NELL1: variants seen among roughly 807,000 people sequenced by gnomAD.
NELL1 encodes the protein neural EGFL like 1.
A neutral mutation model predicts 107.4 loss-of-function variants in NELL1; 76 were observed. That is an observed-to-expected ratio of 0.71 (90% CI 0.59 to 0.86). NELL1 has a LOEUF of 0.86. Among genes scored for constraint, NELL1 ranks in the 40% least tolerant of loss-of-function variants. The pLI, the probability that NELL1 is intolerant of heterozygous loss-of-function variation, is 0.00. For synonymous variants in NELL1, 353 were observed against 341.2 expected (o/e 1.03, Z -0.38); for missense variants, 1,024 against 1,005.5 (o/e 1.02, Z -0.25).
chr11:21,388,572 G>A (rs7126470), intron 15 of NELL1, among the ~76,000 whole-genome samples: 31 of 151,704 alleles, frequency 2.0e-4, no homozygotes, highest in African/African-American at 3.9e-4. Context: ...TTTAATTCCC[G>A]TATTACCCAC....
chr11:21,313,999 C>A (rs1362969896), intron 14 of NELL1, among the ~76,000 whole-genome samples: 6 of 92,104 alleles, frequency 6.5e-5, no homozygotes, highest in East Asian at 9.1e-4. Flanking sequence ...TCTGCCCCCC[C>A]CCCCCCCCCC....
At chr11:20,992,966 G>T (rs1274950176) in intron 12 of NELL1, among the ~76,000 whole-genome samples, 1 of 151,890 alleles carries the variant, frequency 6.6e-6, no homozygotes, top group Non-Finnish European at 1.5e-5. Context: ...GCCCGCCTTG[G>T]CCTCCCAAAG....
At chr11:21,323,455 G>C (rs573697499) in intron 14 of NELL1, among the ~76,000 whole-genome samples, 2 of 152,232 alleles carry the variant, frequency 1.3e-5, no homozygotes, top group East Asian at 3.9e-4. Flanking sequence ...TTCCATTAGT[G>C]ATGGGCATCA....
intron 14 of NELL1, among the ~76,000 whole-genome samples, chr11:21,313,900 G>A (rs1420673530): frequency 6.6e-6 from 1 of 151,030 alleles, no homozygotes; most frequent in East Asian, 2.0e-4. Flanking sequence ...GATATCTTGT[G>A]AACAGTTTAG....
chr11:21,220,749 A>C (rs1220386630), intron 13 of NELL1, among the ~76,000 whole-genome samples: 1 of 152,026 alleles, frequency 6.6e-6, no homozygotes, highest in Non-Finnish European at 1.5e-5. Context: ...TTTGTTTATT[A>C]GTTCTGAGAT....
chr11:21,255,220 C>T (rs1858740099), intron 14 of NELL1, among the ~76,000 whole-genome samples: 1 of 152,116 alleles, frequency 6.6e-6, no homozygotes, highest in Non-Finnish European at 1.5e-5. Context: ...TGTCTGTCCA[C>T]AGAAGCTGAA....
intron 12 of NELL1, among the ~76,000 whole-genome samples, chr11:21,058,617 G>A (rs1853666184): frequency 6.6e-6 from 1 of 152,114 alleles, no homozygotes; most frequent in South Asian, 2.1e-4. Context: ...TCCCCTACTA[G>A]TAAAGAAGGG....
intron 4 of NELL1, among the ~76,000 whole-genome samples, chr11:20,873,959 C>G (rs1279319850): frequency 1.3e-5 from 2 of 152,072 alleles, no homozygotes; most frequent in Admixed American, 6.6e-5. Context: ...AGATGTGGGT[C>G]TTCCTATGTT....
At chr11:21,264,124 C>T (rs1022686200) in intron 14 of NELL1, among the ~76,000 whole-genome samples, 1 of 120,278 alleles carries the variant, frequency 8.3e-6, no homozygotes, top group Non-Finnish European at 1.8e-5. Context: ...CTCATCCTTC[C>T]CTCCTTAGGA....
intron 15 of NELL1, among the ~76,000 whole-genome samples, chr11:21,479,602 T>C (rs1215192102): frequency 6.6e-6 from 1 of 152,136 alleles, no homozygotes. Context: ...ATAAAATTAA[T>C]AAGATCTATA....
At chr11:21,088,607 C>T (rs999251266) in intron 12 of NELL1, among the ~76,000 whole-genome samples, 1 of 152,188 alleles carries the variant, frequency 6.6e-6, no homozygotes, top group African/African-American at 2.4e-5. Flanking sequence ...TCTTATACTG[C>T]ATGTAATCTT....
At chr11:21,556,893 T>G (rs1018111651) in intron 16 of NELL1, among the ~76,000 whole-genome samples, 1 of 151,926 alleles carries the variant, frequency 6.6e-6, no homozygotes, top group African/African-American at 2.4e-5. Context: ...TACGAAATAC[T>G]CAAATACTTC....
chr11:21,249,570 G>A (rs1858585620), intron 14 of NELL1, among the ~76,000 whole-genome samples: 1 of 151,802 alleles, frequency 6.6e-6, no homozygotes, highest in Non-Finnish European at 1.5e-5. Context: ...TAAAAACAAT[G>A]CAATTTTTAA....
chr11:20,860,916 T>G (rs182552418), intron 4 of NELL1, among the ~76,000 whole-genome samples: 1 of 151,716 alleles, frequency 6.6e-6, no homozygotes, highest in African/African-American at 2.4e-5. Context: ...ACAAACAGAG[T>G]TGGGTACTTG....
intron 15 of NELL1, among the ~76,000 whole-genome samples, chr11:21,427,052 G>A (rs1195249547): frequency 2.0e-5 from 3 of 152,170 alleles, no homozygotes; most frequent in Non-Finnish European, 2.9e-5. Context: ...GCAGCTGGTG[G>A]TGCGTGGGCC....
chr11:21,185,719 G>A (rs1379223667), intron 13 of NELL1, among the ~76,000 whole-genome samples: 4 of 151,798 alleles, frequency 2.6e-5, no homozygotes, highest in African/African-American at 9.7e-5. Context: ...GTGATAATGG[G>A]TATAAAGCTC....
At chr11:21,528,668 GC>G (rs11306942) in intron 15 of NELL1, among the ~76,000 whole-genome samples, 50,874 of 151,694 alleles carry the variant, frequency 0.34, 8,753 homozygotes, top group Middle Eastern at 0.43. Flanking sequence ...TTCTGTTATA[GC>G]AACACAGAAT....
chr11:21,212,892 G>A (rs1351477551), intron 13 of NELL1, among the ~76,000 whole-genome samples: 1 of 152,138 alleles, frequency 6.6e-6, no homozygotes, highest in African/African-American at 2.4e-5. Flanking sequence ...AAATAAGCTT[G>A]CAGATTGGAA....
chr11:21,171,319 CAAA>C (rs1353343094), intron 13 of NELL1, among the ~76,000 whole-genome samples: 2 of 151,720 alleles, frequency 1.3e-5, no homozygotes, highest in Non-Finnish European at 2.9e-5. Flanking sequence ...CATACACACA[CAAA>C]GAAGAAGAAG....
Sources: gnomAD v4.1 joint callset for allele counts (sites outside exome capture counted in the v4.1 genomes callset) on GRCh38, gnomAD v4.1.1 for gene constraint, MANE v1.5 for transcripts, NCBI Gene and HGNC (gene_info 2026-07-23, HGNC 2026-07-21) for gene names.